The following GAPDHS variants were observed in gnomAD, a reference collection of about 807,000 sequenced individuals.
GAPDHS encodes glyceraldehyde-3-phosphate dehydrogenase, spermatogenic, also known as glyceraldehyde-3-phosphate dehydrogenase, testis-specific.
A neutral mutation model predicts 48.7 loss-of-function variants in GAPDHS; 42 were observed. That is an observed-to-expected ratio of 0.86 (90% confidence interval 0.67 to 1.12). The LOEUF (loss-of-function observed/expected upper bound fraction) is 1.12, where lower values mean the gene tolerates loss of function less well. Among genes scored for constraint, GAPDHS ranks in the 50% most tolerant of loss-of-function variants. GAPDHS has a pLI of 0.00. For missense variants in GAPDHS, 512 were observed against 557.7 expected, an observed-to-expected ratio of 0.92 and a Z score of 0.82; for synonymous variants, 166 against 219.1, an observed-to-expected ratio of 0.76 and a Z score of 2.14.
chr19:35,538,800 C>T (rs992777367), intron 4 of GAPDHS, 117 bp downstream of exon 4: 13 of 699,290 alleles, frequency 1.9e-5, no homozygotes, highest in Middle Eastern at 2.5e-4. Flanking sequence ...CCCAAAATTG[C>T]GTGTGCATGC....
chr19:35,545,244 C>T lies in GAPDHS; in HGVS notation c.*74C>T. ...TGCCTCCCGTTCCAGCATCTGGCTGCCCGGGGGAGGAAGGACACCCGGGGC... is the reference window on the plus strand; with the variant it reads ...TGCCTCCCGTTCCAGCATCTGGCTGTCCGGGGGAGGAAGGACACCCGGGGC... On this transcript the variant is annotated 3_prime_UTR_variant, in exon 11 of 11. Transcript: ENST00000222286. 7.7e-7 allele frequency: 1 copy of T among 1,294,408 alleles called. No individual in the cohort carries two copies. The highest frequency in any genetic ancestry group is 1.1e-6 in the Non-Finnish European group (1 of 890,520). The allele number at this position is 1,294,408 out of a possible 1,614,324, so 80.2% of individuals were successfully genotyped here.
Position 35,538,378 on chromosome 19 carries a change from A to G in GAPDHS, c.317A>G (p.Asp106Gly). 6.2e-7 allele frequency: 1 copy of G among 1,611,066 alleles called. No individual in the cohort carries two copies. The highest frequency in any genetic ancestry group is 8.5e-7 in the Non-Finnish European group (1 of 1,177,344). Reference protein sequence around the residue: ...EKGVKVVAVNDPFIDPEYMVY... With the variant: ...EKGVKVVAVNGPFIDPEYMVY... ...GGTGTTAAGGTGGTGGCTGTGAATG[A>G]TCCATTCATTGACCCGGAATACATG... The change falls in exon 3 of 11, where the codon GAT (aspartate) becomes GGT (glycine). Residue 106 changes from aspartate to glycine, a missense_variant. By Grantham distance (94) the Asp-to-Gly change is moderately conservative. Transcript: ENST00000222286.
chr19:35,538,078 AATAT>A (rs59068277), intron 2 of GAPDHS, among the ~76,000 whole-genome samples: 7 of 149,910 alleles, frequency 4.7e-5, no homozygotes, highest in East Asian at 2.0e-4. Context: ...TCCATCTCAA[AATAT>A]ATATATATAT....
intron 4 of GAPDHS, chr19:35,540,786 T>C (rs78596612): frequency 0.041 from 6,233 of 151,814 alleles, 196 homozygotes; most frequent in East Asian, 0.14. Flanking sequence ...GCACTTAGAA[T>C]ATGGGCACAG....
At chr19:35,536,579 A>G (rs1323729039) in intron 1 of GAPDHS, among the ~76,000 whole-genome samples, 4 of 148,636 alleles carry the variant, frequency 2.7e-5, no homozygotes, top group East Asian at 3.9e-4. Flanking sequence ...CTGTCTCGGG[A>G]AAAAAAAAAC....
intron 4 of GAPDHS, among the ~76,000 whole-genome samples, chr19:35,539,606 G>A (rs1450739113): frequency 1.3e-5 from 2 of 151,772 alleles, no homozygotes; most frequent in African/African-American, 2.4e-5. Context: ...AACCCTGTCT[G>A]GGCCCAGGCA....
intron 1 of GAPDHS, among the ~76,000 whole-genome samples, chr19:35,534,555 C>G (rs905395180): frequency 8.5e-5 from 13 of 152,136 alleles, no homozygotes; most frequent in Non-Finnish European, 1.6e-4. Flanking sequence ...GGACCCCACC[C>G]CTACAGTGGA....
At chr19:35,539,350 T>A (rs1388581768) in intron 4 of GAPDHS, among the ~76,000 whole-genome samples, 1 of 152,234 alleles carries the variant, frequency 6.6e-6, no homozygotes, top group Non-Finnish European at 1.5e-5. Flanking sequence ...ATGAGGCTTG[T>A]GCGAACATCC....
chr19:35,538,473 A>G (rs1401849919), intron 3 of GAPDHS, 70 bp downstream of exon 3: 2 of 1,288,334 alleles, frequency 1.6e-6, no homozygotes, highest in Non-Finnish European at 2.3e-6. Flanking sequence ...GGGAAGCTGT[A>G]TGGAAGGCTC....
At chr19:35,544,257 C>T (rs2071528467) in intron 9 of GAPDHS, 1 of 169,202 alleles carries the variant, frequency 5.9e-6, no homozygotes, top group African/African-American at 2.4e-5. Flanking sequence ...CAAAAGACAA[C>T]AGCTCCCATT....
chr19:35,543,518 G>C, intron 8 of GAPDHS, 27 bp downstream of exon 8: 1 of 1,589,592 alleles, frequency 6.3e-7, no homozygotes, highest in South Asian at 1.1e-5. Context: ...CTGCAACCAG[G>C]GTGGGGGCAT....
intron 4 of GAPDHS, among the ~76,000 whole-genome samples, chr19:35,538,948 C>T (rs572796869): frequency 1.6e-4 from 24 of 152,300 alleles, no homozygotes; most frequent in African/African-American, 3.6e-4. Context: ...GGGTATCACT[C>T]TTTTGCCCAG....
At chr19:35,538,271 C>G in intron 2 of GAPDHS, 36 bp from the exon 3 acceptor site, 1 of 1,475,048 alleles carries the variant, frequency 6.8e-7, no homozygotes, top group African/African-American at 1.4e-5. Flanking sequence ...CCATTACCCC[C>G]TTCTCTCCCA....
At chr19:35,535,290 G>C (rs1264542779) in intron 1 of GAPDHS, among the ~76,000 whole-genome samples, 1 of 152,174 alleles carries the variant, frequency 6.6e-6, no homozygotes, top group Non-Finnish European at 1.5e-5. Context: ...GGAGAGGTGG[G>C]AGCCAATGTG....
intron 1 of GAPDHS, among the ~76,000 whole-genome samples, chr19:35,534,854 G>C (rs567071311): frequency 6.7e-6 from 1 of 149,720 alleles, no homozygotes; most frequent in African/African-American, 2.5e-5. Flanking sequence ...GCTGGCCCCC[G>C]GCTCCCAGCC....
intron 6 of GAPDHS, 131 bp from the exon 7 acceptor site, chr19:35,542,814 A>G (rs1337242621): frequency 1.3e-6 from 1 of 774,764 alleles, no homozygotes; most frequent in East Asian, 2.5e-5. Context: ...CAGTGTCCCC[A>G]CAGATCCCTC....
chr19:35,542,961 A>T lies in GAPDHS; in HGVS notation c.676A>T (p.Thr226Ser), dbSNP rs1225893943. The T allele has an allele frequency of 6.2e-7, 1 of 1,614,092 alleles. No individual in the cohort carries two copies. The highest frequency in any genetic ancestry group is 8.5e-7 in the Non-Finnish European group (1 of 1,179,916). Residue 226 changes from threonine to serine, a missense_variant, in exon 7 of 11, where the codon ACC becomes TCC. Thr to Ser is a moderately conservative substitution (Grantham distance 58). Transcript: ENST00000222286. Reference sequence around the variant, plus strand: ...CTGTTTCAGCAACGCGTCCTGCACCACCAACTGTTTGGCTCCCCTCGCCAA... The same window carrying T: ...CTGTTTCAGCAACGCGTCCTGCACCTCCAACTGTTTGGCTCCCCTCGCCAA... ...MNIVSNASCT[T>S]NCLAPLAKVI...
intron 2 of GAPDHS, 108 bp downstream of exon 2, chr19:35,537,098 C>G (rs562972372): frequency 1.1e-6 from 1 of 944,178 alleles, no homozygotes. Context: ...GCTTTCGTTC[C>G]GACGACCCTG....
At chr19:35,543,238 C>T (rs1402843379) in intron 7 of GAPDHS, 102 bp from the exon 8 acceptor site, 1 of 1,362,448 alleles carries the variant, frequency 7.3e-7, no homozygotes, top group Non-Finnish European at 1.0e-6. Context: ...TGGTGGTGGC[C>T]CCACCAGCCT....
Sources: allele counts gnomAD v4.1 joint callset (sites outside exome capture counted in the v4.1 genomes callset), GRCh38; gene constraint gnomAD v4.1.1; transcripts MANE v1.5; gene names NCBI Gene and HGNC (gene_info 2026-07-23, HGNC 2026-07-21).